The following ELMOD3 variants were observed in gnomAD, a reference collection of about 807,000 sequenced individuals.
The protein encoded by ELMOD3 is ELMO domain containing 3.
In ELMOD3, 36 loss-of-function variants were observed where a neutral mutation model predicts 47.4. The observed-to-expected ratio is 0.76, with a 90% confidence interval of 0.58 to 1.00. ELMOD3 has a LOEUF of 1.00. Ranked by LOEUF, ELMOD3 falls within the 50% of genes least tolerant of loss-of-function variation. ELMOD3 has a pLI of 0.00. For synonymous variants in ELMOD3, 149 were observed against 183.5 expected, an observed-to-expected ratio of 0.81 and a Z score of 1.52; for missense variants, 404 against 463.8, an observed-to-expected ratio of 0.87 and a Z score of 1.18.
At chr2:85,364,140 T>C (rs943792701) in intron 6 of ELMOD3, among the ~76,000 whole-genome samples, 15 of 146,320 alleles carry the variant, frequency 1.0e-4, no homozygotes, top group African/African-American at 3.8e-4. Context: ...AAAATACTCT[T>C]TTTTTTTTTT....
chr2:85,371,458 A>G lies in ELMOD3; in HGVS notation c.503A>G (p.Asp168Gly). Residue 168 changes from aspartate (D) to glycine (G), a missense_variant, in exon 10 of 14, where the codon GAC (aspartate) becomes GGC (glycine). Asp to Gly is a moderately conservative substitution (Grantham distance 94). Coordinates refer to ENST00000409013, the MANE Select transcript of ELMOD3 (RefSeq NM_001135022.2). ...GGGGCAGGTGGCCTGGATAGCCAAG[A>G]CCCAGTGCATGGCCGAGTCCTCCAG... ...TIAQCGLDSQ[D>G]PVHGRVLQTI... 12 of 1,614,140 alleles carry G rather than the reference A, an allele frequency of 7.4e-6. No individual in the cohort carries two copies. Among genetic ancestry groups the G allele is most frequent in the Non-Finnish European group, 1.0e-5 (12 of 1,180,036 alleles).
intron 11 of ELMOD3, among the ~76,000 whole-genome samples, chr2:85,387,629 T>C (rs999310915): frequency 3.6e-5 from 5 of 140,054 alleles, no homozygotes; most frequent in African/African-American, 1.4e-4. Context: ...GCCACTGCCC[T>C]GCACTCCAGC....
At position 85,390,807 on chromosome 2, in the gene ELMOD3, C is replaced by G; in HGVS notation, c.991C>G (p.Leu331Val). The G allele has an allele frequency of 6.4e-7, 1 of 1,551,626 alleles. No homozygotes were observed. Among genetic ancestry groups the G allele is most frequent in the Non-Finnish European group, 8.7e-7 (1 of 1,147,002 alleles). Residue 331 changes from leucine (L) to valine (V), a missense_variant, in exon 14 of 14, where the codon CTG becomes GTG. Physicochemically the swap from Leu to Val is conservative, Grantham distance 32 (BLOSUM62 1). Coordinates refer to ENST00000409013, the MANE Select transcript of ELMOD3 (RefSeq NM_001135022.2). ...KKSPRRLLKT[L>V]ELYLARVSKG... is the part of the protein sequence containing the mutation. ...GAGCCCACGGCGGCTGCTCAAGACCCTGGAGCTGTACTTGGCCAGGGTGTC... is the reference window on the plus strand; with the variant it reads ...GAGCCCACGGCGGCTGCTCAAGACCGTGGAGCTGTACTTGGCCAGGGTGTC...
intron 11 of ELMOD3, among the ~76,000 whole-genome samples, chr2:85,384,296 G>C (rs777889348): frequency 6.6e-6 from 1 of 152,222 alleles, no homozygotes; most frequent in Non-Finnish European, 1.5e-5. Context: ...GGCTCATTGG[G>C]AAAATTAGAG....
At position 85,377,437 on chromosome 2, in the gene ELMOD3, C is replaced by T. The variant is rs779560360; in HGVS notation, c.701C>T (p.Ala234Val). The T allele has an allele frequency of 9.9e-6, 16 of 1,609,456 alleles. No individual in the cohort carries two copies. Among genetic ancestry groups the T allele is most frequent in the South Asian group, 2.2e-5 (2 of 90,216 alleles). ...LVMDSKTLPM[A>V]QEIFRLSRHH... is the part of the protein sequence containing the mutation. The stretch of plus-strand genomic sequence containing the variant: ...ATGGACTCAAAGACCTTGCCGATGG[C>T]GCAGGAGATTTTCCGCCTGTCTCGT... The change falls in exon 11 of 14, where the codon GCG becomes GTG. Residue 234 changes from alanine (A) to valine (V), a missense_variant. Coordinates refer to ENST00000409013, the MANE Select transcript of ELMOD3 (RefSeq NM_001135022.2).
Position 85,384,101 on chromosome 2 carries a change from T to G in ELMOD3, c.739-5650T>G, listed in dbSNP as rs113597933. 4.3e-4 allele frequency among the ~76,000 whole-genome samples: 66 copies of G among 152,380 alleles called. 2 individuals are homozygous for G. Among genetic ancestry groups the G allele is most frequent in the African/African-American group, 1.5e-3 (63 of 41,578 alleles). Reference sequence around the variant, plus strand: ...ATAAGGGACAAATGGTTGTGTTCTTTGAGCATCTGATTAGCCTTTCCAAAG... The same window carrying G: ...ATAAGGGACAAATGGTTGTGTTCTTGGAGCATCTGATTAGCCTTTCCAAAG... On this transcript the variant is annotated intron_variant, in intron 11 of 13. Transcript: ENST00000409013.
chr2:85,360,665 T>C (rs1394228937), intron 4 of ELMOD3: 2 of 171,230 alleles, frequency 1.2e-5, no homozygotes, highest in African/African-American at 4.8e-5. Flanking sequence ...GGTTTTTCTT[T>C]TTTGCCTTAA....
chr2:85,356,068 T>C (rs931910235), intron 3 of ELMOD3: 1 of 152,270 alleles, frequency 6.6e-6, no homozygotes, highest in African/African-American at 2.4e-5. Flanking sequence ...TAGGATGCAA[T>C]TTTTGATGTG....
intron 11 of ELMOD3, among the ~76,000 whole-genome samples, chr2:85,388,453 C>T (rs550443917): frequency 6.6e-6 from 1 of 152,320 alleles, no homozygotes; most frequent in South Asian, 2.1e-4. Context: ...CTGCACAGCA[C>T]TCAAAGTTTA....
In ELMOD3 at chr2:85,390,196, T is replaced by G. The variant is rs1208419979; in HGVS notation, c.874T>G (p.Phe292Val). ...GGTGAACAGCTTCTATGCCGCCACATTCCTCCACCTCGCACATGTCTGGAG... is the reference window on the plus strand; with the variant it reads ...GGTGAACAGCTTCTATGCCGCCACAGTCCTCCACCTCGCACATGTCTGGAG... ...PVVNSFYAAT[F>V]LHLAHVWRTQ... Residue 292 changes from phenylalanine (F) to valine (V), a missense_variant, in exon 13 of 14, where the codon TTC (phenylalanine) becomes GTC (valine). Physicochemically the swap from Phe to Val is conservative, Grantham distance 50. Coordinates refer to ENST00000409013, the MANE Select transcript of ELMOD3 (RefSeq NM_001135022.2). The G allele has an allele frequency of 1.2e-6, 2 of 1,614,056 alleles. No individual in the cohort carries two copies. The highest frequency in any genetic ancestry group is 4.5e-5 in the East Asian group (2 of 44,892).
At position 85,357,136 on chromosome 2, in the gene ELMOD3, GACCTTACTAAA is replaced by G; in HGVS notation, c.-61_-51del. 8.3e-7 allele frequency: 1 copy of G among 1,200,418 alleles called. No homozygotes were observed. Among genetic ancestry groups the G allele is most frequent in the Non-Finnish European group, 1.2e-6 (1 of 823,794 alleles). The allele number at this position is 1,200,418 out of a possible 1,614,324, so 74.4% of individuals were successfully genotyped here. On this transcript the variant is annotated 5_prime_UTR_variant, in exon 4 of 14. It adds an upstream start codon to the 5' untranslated region. Coordinates refer to ENST00000409013, the MANE Select transcript of ELMOD3 (RefSeq NM_001135022.2). ...GCTCTCCACATAGCTTCTGATCTCA[GACCTTACTAAA>G]ATGCTTTCTGGGCCCAAGGACAAAG...
intron 10 of ELMOD3, among the ~76,000 whole-genome samples, chr2:85,373,307 G>T (rs1032831532): frequency 1.3e-5 from 2 of 152,086 alleles, no homozygotes; most frequent in African/African-American, 2.4e-5. Context: ...TTAACTGGTG[G>T]TCTGTTGGTA....
intron 12 of ELMOD3, 134 bp from the exon 13 acceptor site, chr2:85,390,004 G>A: frequency 1.8e-6 from 2 of 1,124,240 alleles, no homozygotes; most frequent in Non-Finnish European, 2.7e-6. Context: ...TTAGATGTCA[G>A]GCTCCTGGGG....
rs761774040 is a variant in ELMOD3, at chr2:85,391,428, G to C, written c.*466G>C. The C allele has an allele frequency of 1.8e-4, 30 of 163,566 alleles. 1 individual carries two copies. The highest frequency in any genetic ancestry group is 2.8e-3 in the Middle Eastern group (1 of 362). The allele number at this position is 163,566 out of a possible 1,614,324, so 10.1% of individuals were successfully genotyped here. A position where few individuals can be genotyped will look rare whatever the true frequency, so the allele number is the denominator to read the frequency against. On this transcript the variant is annotated 3_prime_UTR_variant, in exon 14 of 14. Coordinates refer to ENST00000409013, the MANE Select transcript of ELMOD3 (RefSeq NM_001135022.2). The stretch of plus-strand genomic sequence containing the variant: ...AAGAGGCAGGGGCAGCAGCCGACAG[G>C]GGGCAGCATGACCCAAGCAAGGGGC...
chr2:85,390,072 C>A (rs745597217), intron 12 of ELMOD3, 66 bp from the exon 13 acceptor site: 23 of 1,483,864 alleles, frequency 1.6e-5, no homozygotes, highest in Non-Finnish European at 2.0e-5. Context: ...GGAAGGAAGG[C>A]GGGAGGGAAC....
chr2:85,367,974 A>G (rs1252262846), intron 6 of ELMOD3, among the ~76,000 whole-genome samples: 1 of 151,192 alleles, frequency 6.6e-6, no homozygotes, highest in East Asian at 1.9e-4. Flanking sequence ...GTGCAGTGAC[A>G]TGATCTCTGC....
intron 7 of ELMOD3, among the ~76,000 whole-genome samples, 180 bp from the exon 8 acceptor site, chr2:85,369,559 G>A (rs544043818): frequency 2.0e-5 from 3 of 152,298 alleles, no homozygotes; most frequent in Non-Finnish European, 2.9e-5. Flanking sequence ...CGTCCAAAAA[G>A]AGAGTCCTCT....
At chr2:85,389,871 C>T (rs752203908) in intron 12 of ELMOD3, 44 bp downstream of exon 12, 12 of 1,555,374 alleles carry the variant, frequency 7.7e-6, no homozygotes, top group Non-Finnish European at 8.9e-6. Flanking sequence ...CCAGCAAAGC[C>T]TTGTTCGTCC....
At position 85,357,225 on chromosome 2, in the gene ELMOD3, T is replaced by C. The variant is rs528483837; in HGVS notation, c.27T>C (p.His9=). The change falls in exon 4 of 14, where the codon CAT becomes CAC. Residue 9 remains histidine (H), a synonymous_variant. Transcript: ENST00000409013. MNEKSCSF[H]SKEELRDGQG... Reference sequence around the variant, plus strand: ...TGAATGAAAAATCTTGCTCTTTCCATAGTAAAGAAGAATTAAGAGATGGAC... The same window carrying C: ...TGAATGAAAAATCTTGCTCTTTCCACAGTAAAGAAGAATTAAGAGATGGAC... The C allele has an allele frequency of 1.2e-6, 2 of 1,608,476 alleles. No individual in the cohort carries two copies. The highest frequency in any genetic ancestry group is 2.2e-5 in the East Asian group (1 of 44,602).
Sources: allele counts gnomAD v4.1 joint callset (sites outside exome capture counted in the v4.1 genomes callset), GRCh38; gene constraint gnomAD v4.1.1; transcripts MANE v1.5; gene names NCBI Gene and HGNC (gene_info 2026-07-23, HGNC 2026-07-21).